The following PRKD1 variants were observed in gnomAD, a reference collection of about 807,000 sequenced individuals.
PRKD1 encodes protein kinase D1.
Under a neutral mutation model 95.9 loss-of-function variants are expected in PRKD1, and 63 were observed. The observed-to-expected ratio is 0.66, with a 90% CI of 0.54 to 0.81. The LOEUF (loss-of-function observed/expected upper bound fraction) is 0.81. Among genes scored for constraint, PRKD1 ranks in the 30% least tolerant of loss-of-function variants. The pLI, the probability that PRKD1 is intolerant of heterozygous loss-of-function variation, is 0.00. For synonymous variants in PRKD1, 425 were observed against 423.1 expected, an observed-to-expected ratio of 1.00 and a Z score of -0.05; for missense variants, 1,048 against 1,165.3, an observed-to-expected ratio of 0.90 and a Z score of 1.47.
rs45571539 is a variant in PRKD1, at chr14:29,902,755, G to A, written c.264+24494C>T. 5.1e-3 allele frequency among the ~76,000 whole-genome samples: 771 copies of A among 151,986 alleles called. 9 individuals are homozygous for A. Among genetic ancestry groups the A allele is most frequent in the African/African-American group, 0.018 (732 of 41,470 alleles). On this transcript the variant is annotated intron_variant, in intron 1 of 17. Coordinates refer to ENST00000331968, the MANE Select transcript of PRKD1 (RefSeq NM_002742.3). Reference sequence around the variant, plus strand: ...CCAATCATTTTTATATTAGTAGTTCGTTATTTAAATTCAATTTTTAAAAGT... The same window carrying A: ...CCAATCATTTTTATATTAGTAGTTCATTATTTAAATTCAATTTTTAAAAGT...
chr14:29,712,066 G>A (rs1885359282), intron 2 of PRKD1, among the ~76,000 whole-genome samples: 1 of 152,238 alleles, frequency 6.6e-6, no homozygotes, highest in East Asian at 1.9e-4. Flanking sequence ...TTCAGAACAA[G>A]TATGTCTACT....
At chr14:29,733,572 G>A (rs1160336245) in intron 1 of PRKD1, among the ~76,000 whole-genome samples, 1 of 152,068 alleles carries the variant, frequency 6.6e-6, no homozygotes, top group Non-Finnish European at 1.5e-5. Context: ...TTACAATCAC[G>A]GTAAAGGTGA....
At chr14:29,803,960 G>A (rs1050321337) in intron 1 of PRKD1, among the ~76,000 whole-genome samples, 1 of 152,078 alleles carries the variant, frequency 6.6e-6, no homozygotes, top group Admixed American at 6.6e-5. Context: ...AAATGTATGC[G>A]GCCGGGTGCA....
At chr14:29,810,919 C>G (rs954767425) in intron 1 of PRKD1, among the ~76,000 whole-genome samples, 4 of 152,214 alleles carry the variant, frequency 2.6e-5, no homozygotes, top group African/African-American at 7.2e-5. Flanking sequence ...TAATTTTCCA[C>G]CACATATTTA....
At chr14:29,819,685 G>A (rs542515327) in intron 1 of PRKD1, among the ~76,000 whole-genome samples, 19 of 151,724 alleles carry the variant, frequency 1.3e-4, no homozygotes, top group Non-Finnish European at 1.8e-4. Context: ...GTGAGACTCC[G>A]TCTCAAAAAA....
rs374291364 is a variant in PRKD1, at chr14:29,778,980, A to C, written c.265-53306T>G. The stretch of plus-strand genomic sequence containing the variant: ...CATCCCTGGGAAGCAAGGCTGGCTC[A>C]ACATATGCAAATCAATAAACGTAAT... On this transcript the variant is annotated intron_variant, in intron 1 of 17. Transcript: ENST00000331968. 2.0e-5 allele frequency among the ~76,000 whole-genome samples: 3 copies of C among 152,360 alleles called. No homozygotes were observed. The East Asian group carries it at 5.8e-4, about 29-fold the overall frequency.
chr14:29,876,871 G>A (rs907024955), intron 1 of PRKD1, among the ~76,000 whole-genome samples: 16 of 152,200 alleles, frequency 1.1e-4, no homozygotes, highest in African/African-American at 3.9e-4. Context: ...CACAAGGAGA[G>A]TCGAGCATGG....
At chr14:29,789,088 G>A (rs1387747873) in intron 1 of PRKD1, among the ~76,000 whole-genome samples, 1 of 151,962 alleles carries the variant, frequency 6.6e-6, no homozygotes, top group Non-Finnish European at 1.5e-5. Flanking sequence ...GGTCTCATAT[G>A]TTGCCCAGAC....
intron 2 of PRKD1, among the ~76,000 whole-genome samples, chr14:29,686,146 A>C (rs531790208): frequency 6.6e-6 from 1 of 152,310 alleles, no homozygotes; most frequent in African/African-American, 2.4e-5. Context: ...TCCCACTGAT[A>C]GCTTGAAACC....
At chr14:29,611,671 A>G (rs985274252) in intron 13 of PRKD1, among the ~76,000 whole-genome samples, 2 of 151,358 alleles carry the variant, frequency 1.3e-5, no homozygotes, top group Non-Finnish European at 2.9e-5. Context: ...TTCTTCAAGT[A>G]TGACCCCCTT....
At chr14:29,638,631 A>G in intron 5 of PRKD1, 63 bp downstream of exon 5, 1 of 1,612,546 alleles carries the variant, frequency 6.2e-7, no homozygotes, top group African/African-American at 1.3e-5. Flanking sequence ...TGGTAACCAG[A>G]AAATACTTAT....
intron 4 of PRKD1, among the ~76,000 whole-genome samples, chr14:29,648,451 T>C (rs1053004965): frequency 2.0e-5 from 3 of 152,160 alleles, no homozygotes; most frequent in African/African-American, 4.8e-5. Flanking sequence ...AAGGGAGAAT[T>C]AGACATCTTT....
intron 16 of PRKD1, chr14:29,591,209 T>C (rs906255000): frequency 2.0e-5 from 3 of 152,224 alleles, no homozygotes; most frequent in Admixed American, 6.5e-5. Context: ...TGAAAAAAGA[T>C]ACTTGTGCTT....
intron 13 of PRKD1, among the ~76,000 whole-genome samples, chr14:29,606,604 A>T (rs1199100515): frequency 2.6e-5 from 4 of 152,168 alleles, no homozygotes; most frequent in African/African-American, 7.2e-5. Flanking sequence ...CTCAAAAGCC[A>T]CCAGGAAACA....
At chr14:29,781,950 C>T (rs1319405176) in intron 1 of PRKD1, among the ~76,000 whole-genome samples, 1 of 152,178 alleles carries the variant, frequency 6.6e-6, no homozygotes, top group Non-Finnish European at 1.5e-5. Context: ...TTTTCAAATT[C>T]TTCTTCTGTG....
At chr14:29,906,166 CATCTAGT>C (rs1894487459) in intron 1 of PRKD1, among the ~76,000 whole-genome samples, 2 of 151,790 alleles carry the variant, frequency 1.3e-5, no homozygotes, top group African/African-American at 4.8e-5. Flanking sequence ...TAATACCCAC[CATCTAGT>C]ATATAATAAG....
intron 13 of PRKD1, among the ~76,000 whole-genome samples, chr14:29,611,408 T>C (rs1456671305): frequency 6.6e-6 from 1 of 151,860 alleles, no homozygotes; most frequent in South Asian, 2.1e-4. Context: ...GCTCATACAC[T>C]GGGGAATCAT....
Position 29,826,859 on chromosome 14 carries a change from A to G in PRKD1, c.264+100390T>C, listed in dbSNP as rs191485292. ...TATATACACACATATATATATATATATATATATATATATATATGATGGAAT... is the reference window on the plus strand; with the variant it reads ...TATATACACACATATATATATATATGTATATATATATATATATGATGGAAT... On this transcript the variant is annotated intron_variant, in intron 1 of 17. Coordinates refer to ENST00000331968, the MANE Select transcript of PRKD1 (RefSeq NM_002742.3). 4.7e-3 allele frequency among the ~76,000 whole-genome samples: 472 copies of G among 99,410 alleles called. 38 individuals are homozygous for G. The highest frequency in any genetic ancestry group is 0.02 in the Admixed American group (161 of 7,976). 65.2% of individuals were successfully genotyped at this position (99,410 alleles called of 152,430 possible). A position where few individuals can be genotyped will look rare whatever the true frequency, so the allele number is the denominator to read the frequency against.
At chr14:29,616,243 C>CAAAAA (rs72142312) in intron 13 of PRKD1, among the ~76,000 whole-genome samples, 424 of 33,880 alleles carry the variant, frequency 0.013, 82 homozygotes, top group African/African-American at 0.035. Context: ...AGAGTATGGC[C>CAAAAA]AAAAAAAAAA....
Sources: allele counts gnomAD v4.1 joint callset (sites outside exome capture counted in the v4.1 genomes callset), GRCh38; gene constraint gnomAD v4.1.1; transcripts MANE v1.5; gene names NCBI Gene and HGNC (gene_info 2026-07-23, HGNC 2026-07-21).